The following NSD1 variants were observed in gnomAD, a reference collection of about 807,000 sequenced individuals.
The protein encoded by NSD1 is nuclear receptor binding SET domain protein 1, also known as histone-lysine N-methyltransferase, H3 lysine-36 specific.
A neutral mutation model predicts 242.7 loss-of-function variants in NSD1; 26 were observed. That is an observed-to-expected ratio of 0.11 (90% CI 0.08 to 0.15). NSD1 has a LOEUF of 0.15. Among genes scored for constraint, NSD1 ranks in the 10% least tolerant of loss-of-function variants. NSD1 has a pLI of 1.00. For synonymous variants in NSD1, 1,106 were observed against 1,178.1 expected (o/e 0.94, Z 1.25); for missense variants, 2,495 against 3,272.8 (o/e 0.76, Z 5.80).
At chr5:177,260,326 T>C (rs1264478488) in intron 14 of NSD1, among the ~76,000 whole-genome samples, 158 bp downstream of exon 14, 1 of 151,262 alleles carries the variant, frequency 6.6e-6, no homozygotes, top group Non-Finnish European at 1.5e-5. Context: ...GAATTAATGA[T>C]TACATAGCAG....
At chr5:177,266,727 A>G (rs917331773) in intron 14 of NSD1, 4 of 267,738 alleles carry the variant, frequency 1.5e-5, no homozygotes, top group Non-Finnish European at 2.8e-5. Flanking sequence ...TCCCCACTTC[A>G]GGGTAAAACT....
intron 14 of NSD1, among the ~76,000 whole-genome samples, chr5:177,261,729 A>G (rs1310604353): frequency 4.6e-5 from 7 of 152,180 alleles, no homozygotes; most frequent in Non-Finnish European, 1.0e-4. Context: ...TTCTAAGTTC[A>G]TTGTGGACTT....
intron 5 of NSD1, among the ~76,000 whole-genome samples, chr5:177,213,218 A>AT (rs1355655414): frequency 6.6e-6 from 1 of 152,136 alleles, no homozygotes; most frequent in African/African-American, 2.4e-5. Context: ...GTATATACAT[A>AT]TTTTTTTCTT....
intron 12 of NSD1, among the ~76,000 whole-genome samples, chr5:177,256,347 G>A (rs1018902638): frequency 7.3e-6 from 1 of 136,878 alleles, no homozygotes; most frequent in Non-Finnish European, 1.5e-5. Context: ...GCACTGGTGT[G>A]ATCTCAGCTC....
At chr5:177,264,116 A>C (rs1184836442) in intron 14 of NSD1, among the ~76,000 whole-genome samples, 1 of 134,448 alleles carries the variant, frequency 7.4e-6, no homozygotes, top group Non-Finnish European at 1.5e-5. Context: ...GCTCACTGCA[A>C]CCCCCACCTC....
Position 177,224,269 on chromosome 5 carries a change from G to A in NSD1, c.3797-11552G>A, listed in dbSNP as rs1764461344. 2.0e-5 allele frequency among the ~76,000 whole-genome samples: 3 copies of A among 152,164 alleles called. No individual in the cohort carries two copies. The South Asian group carries it at 6.2e-4, about 32-fold the overall frequency. ...TAGTTTGCATAGTGTTGCCATCTTA[G>A]CAATATTAAGTCTTCCAATCCATGA... is the stretch of plus-strand genomic sequence containing the variant. On this transcript the variant is annotated intron_variant, in intron 5 of 22. Transcript: ENST00000439151.
At chr5:177,201,483 G>A (rs571503695) in intron 3 of NSD1, among the ~76,000 whole-genome samples, 1 of 151,440 alleles carries the variant, frequency 6.6e-6, no homozygotes. Context: ...AGAACTACTT[G>A]TAGTTTTGTT....
intron 2 of NSD1, among the ~76,000 whole-genome samples, chr5:177,159,244 C>T (rs529688214): frequency 6.6e-6 from 1 of 150,880 alleles, no homozygotes; most frequent in Non-Finnish European, 1.5e-5. Context: ...ATTAAGTCTG[C>T]AGTTGTTCTT....
intron 9 of NSD1, 40 bp downstream of exon 9, chr5:177,244,310 A>G: frequency 7.3e-7 from 1 of 1,365,358 alleles, no homozygotes; most frequent in Non-Finnish European, 1.0e-6. Context: ...ATGCAGTAGT[A>G]AGTTTGAAGT....
intron 2 of NSD1, among the ~76,000 whole-genome samples, chr5:177,186,090 TATAAC>T (rs1761201672): frequency 8.3e-6 from 1 of 120,552 alleles, no homozygotes. Context: ...ATATATTATA[TATAAC>T]ATATATTATA....
chr5:177,279,958 T>C (rs1758725944), intron 17 of NSD1, among the ~76,000 whole-genome samples: 1 of 143,664 alleles, frequency 7.0e-6, no homozygotes. Flanking sequence ...ATTTTTAAAG[T>C]TCATATTTTA....
Position 177,283,879 on chromosome 5 carries a change from G to T in NSD1, c.6102G>T (p.Val2034=). Residue 2034 remains valine (V), a synonymous_variant, in exon 20 of 23, where the codon GTG becomes GTT. Transcript: ENST00000439151. Reference sequence around the variant, plus strand: ...ACTGTGAAACACAGAAGTGGTCTGTGAATGGAGATACCCGTGTAGGCCTTT... The same window carrying T: ...ACTGTGAAACACAGAAGTGGTCTGTTAATGGAGATACCCGTGTAGGCCTTT... ...QPNCETQKWS[V]NGDTRVGLFA... The T allele has an allele frequency of 1.9e-6, 3 of 1,614,210 alleles. No individual in the cohort carries two copies. The highest frequency in any genetic ancestry group is 2.5e-6 in the Non-Finnish European group (3 of 1,180,026).
Position 177,209,924 on chromosome 5 carries a change from A to C in NSD1, c.1525A>C (p.Thr509Pro). ...ARKSSDNPKRTSVKKGHIQFE... is the reference protein window; with the variant it reads ...ARKSSDNPKRPSVKKGHIQFE... ...AAAGAGCTCTGATAATCCAAAAAGG[A>C]CTAGTGTGAAAAAGGGCCACATACA... Residue 509 changes from threonine to proline, a missense_variant, in exon 5 of 23, where the codon ACT (threonine) becomes CCT (proline). Transcript: ENST00000439151. The C allele has an allele frequency of 1.2e-6, 2 of 1,614,130 alleles. No homozygotes were observed. Among genetic ancestry groups the C allele is most frequent in the East Asian group, 2.2e-5 (1 of 44,880 alleles).
intron 21 of NSD1, among the ~76,000 whole-genome samples, chr5:177,289,947 C>T (rs1007651839): frequency 6.6e-6 from 1 of 151,382 alleles, no homozygotes; most frequent in African/African-American, 2.4e-5. Flanking sequence ...CCTGCCTCAG[C>T]CTCCTGAGTA....
rs753340022 is a variant in NSD1, at chr5:177,204,238, G to A, written c.1182G>A (p.Glu394=). 2 of 1,614,136 alleles carry A rather than the reference G, an allele frequency of 1.2e-6. No homozygotes were observed. Among genetic ancestry groups the A allele is most frequent in the Admixed American group, 3.3e-5 (2 of 60,006 alleles). Residue 394 remains glutamate, a synonymous_variant, in exon 4 of 23, where the codon GAG becomes GAA. Transcript: ENST00000439151. ...VMFEGRHQFE[E]LPVLRRRGKQ... is the part of the protein sequence containing the mutation. Reference sequence around the variant, plus strand: ...TTGAAGGCAGACATCAATTCGAAGAGCTACCTGTCCTTAGGAGAAGAGGGA... The same window carrying A: ...TTGAAGGCAGACATCAATTCGAAGAACTACCTGTCCTTAGGAGAAGAGGGA...
chr5:177,240,197 A>G (rs1765745050), intron 8 of NSD1, among the ~76,000 whole-genome samples: 1 of 151,920 alleles, frequency 6.6e-6, no homozygotes, highest in African/African-American at 2.4e-5. Flanking sequence ...AAATATCACT[A>G]GTCTACTCTC....
At chr5:177,209,600 G>C (rs1271048217) in intron 4 of NSD1, 36 bp from the exon 5 acceptor site, 1 of 1,468,868 alleles carries the variant, frequency 6.8e-7, no homozygotes, top group Non-Finnish European at 9.5e-7. Context: ...CCATTTCTTT[G>C]ATAAGTGATA....
intron 9 of NSD1, 116 bp from the exon 10 acceptor site, chr5:177,246,562 C>T (rs1044474325): frequency 5.2e-6 from 4 of 768,502 alleles, no homozygotes; most frequent in South Asian, 1.4e-5. Context: ...TTTCCTAATC[C>T]ACAAAGCTGG....
intron 14 of NSD1, among the ~76,000 whole-genome samples, chr5:177,262,023 G>A (rs1340523812): frequency 6.6e-6 from 1 of 152,060 alleles, no homozygotes; most frequent in Non-Finnish European, 1.5e-5. Flanking sequence ...ACCAAGGCTT[G>A]GTTTGCTTGT....
Sources: gnomAD v4.1 joint callset for allele counts (sites outside exome capture counted in the v4.1 genomes callset) on GRCh38, gnomAD v4.1.1 for gene constraint, MANE v1.5 for transcripts, NCBI Gene and HGNC (gene_info 2026-07-23, HGNC 2026-07-21) for gene names.